Variants in DOCK1 observed in about 807,000 individuals in gnomAD.
The protein encoded by DOCK1 is dedicator of cytokinesis protein 1.
Under a neutral mutation model 262.7 loss-of-function variants are expected in DOCK1, and 138 were observed. The ratio of observed to expected loss-of-function variants is 0.53; its 90% CI spans 0.46 to 0.61. DOCK1 has a LOEUF of 0.61. DOCK1 is among the 20% of genes least tolerant of loss of function. DOCK1 has a pLI of 0.00. For missense variants in DOCK1, 1,908 were observed against 2,370.7 expected, an observed-to-expected ratio of 0.80 and a Z score of 4.05; for synonymous variants, 866 against 867.4, an observed-to-expected ratio of 1.00 and a Z score of 0.03.
intron 27 of DOCK1, among the ~76,000 whole-genome samples, chr10:127,156,759 GGTTTCTCTAT>G (rs1239957378): frequency 6.6e-6 from 1 of 151,566 alleles, no homozygotes; most frequent in East Asian, 1.9e-4. Flanking sequence ...GTAGAGACGG[GGTTTCTCTAT>G]GTTGGTCAGG....
rs572216078 is a variant in DOCK1 at position 126,912,948 on chromosome 10, T to C, written c.46+7385T>C. ...AGTATGATTTTGATAACATAAGACT[T>C]TTCATCTACAGTTTCCCTCTGTCTT... On this transcript the variant is annotated intron_variant, in intron 1 of 51. Transcript: ENST00000623213. Among the ~76,000 whole-genome samples, 127 of 152,096 alleles carry C rather than the reference T, an allele frequency of 8.3e-4. 1 individual carries two copies. The Middle Eastern group carries it at 0.014, about 16-fold the overall frequency.
chr10:127,366,633 C>G (rs1436045393), intron 33 of DOCK1, among the ~76,000 whole-genome samples: 1 of 151,932 alleles, frequency 6.6e-6, no homozygotes, highest in East Asian at 1.9e-4. Flanking sequence ...TCCCTCTCAG[C>G]TGGTCTTCCT....
At position 127,257,524 on chromosome 10, in the gene DOCK1, A is replaced by G. The variant is rs570834394; in HGVS notation, c.3044+95A>G. 93 of 1,127,144 alleles carry G rather than the reference A, an allele frequency of 8.3e-5. No homozygotes were observed. The Admixed American group carries it at 1.6e-3, about 20-fold the overall frequency. 69.8% of individuals were successfully genotyped at this position (1,127,144 alleles called of 1,614,324 possible). A position where few individuals can be genotyped will look rare whatever the true frequency, so the allele number is the denominator to read the frequency against. On this transcript the variant is annotated intron_variant, in intron 29 of 51. Coordinates refer to ENST00000623213, the MANE Select transcript of DOCK1 (RefSeq NM_001290223.2). The stretch of plus-strand genomic sequence containing the variant: ...TTGCCTGGAGACCAAGCTGGCTTCA[A>G]TAAAATGCTCTGCAAACGCTGTTCC...
chr10:127,109,778 T>A (rs2048754378), intron 24 of DOCK1, among the ~76,000 whole-genome samples: 1 of 152,198 alleles, frequency 6.6e-6, no homozygotes, highest in Non-Finnish European at 1.5e-5. Flanking sequence ...ATGGACTTCG[T>A]GTTTTTTTTA....
chr10:127,362,006 G>T, intron 32 of DOCK1, 58 bp from the exon 33 acceptor site: 1 of 1,502,212 alleles, frequency 6.7e-7, no homozygotes, highest in East Asian at 2.4e-5. Flanking sequence ...ATCCATTTAA[G>T]CCCATTTTAG....
At chr10:127,034,611 A>C (rs984051673) in intron 18 of DOCK1, among the ~76,000 whole-genome samples, 2 of 152,122 alleles carry the variant, frequency 1.3e-5, no homozygotes, top group African/African-American at 4.8e-5. Context: ...GACAGATGAC[A>C]GCATCCAGAG....
intron 51 of DOCK1, among the ~76,000 whole-genome samples, chr10:127,449,672 TTCC>T (rs1445031268): frequency 6.6e-6 from 1 of 152,168 alleles, no homozygotes; most frequent in African/African-American, 2.4e-5. Context: ...GCGGTTGCAT[TTCC>T]TGGGGTGCCT....
chr10:127,263,567 T>G (rs1410969266), intron 29 of DOCK1, among the ~76,000 whole-genome samples: 1 of 152,180 alleles, frequency 6.6e-6, no homozygotes, highest in Non-Finnish European at 1.5e-5. Context: ...AGAAGTGTGC[T>G]TTTGTGCTAG....
intron 38 of DOCK1, among the ~76,000 whole-genome samples, chr10:127,391,669 C>T (rs2066487596): frequency 2.0e-5 from 3 of 152,122 alleles, no homozygotes; most frequent in African/African-American, 7.2e-5. Context: ...CATCTTGACC[C>T]ACTTCTACCT....
intron 27 of DOCK1, 47 bp from the exon 28 acceptor site, chr10:127,247,961 G>T: frequency 6.3e-7 from 1 of 1,581,380 alleles, no homozygotes; most frequent in Non-Finnish European, 8.7e-7. Flanking sequence ...CTTTTCCCAT[G>T]AGTGTTGCTC....
chr10:127,257,649 C>A (rs139668742), intron 29 of DOCK1: 5 of 392,294 alleles, frequency 1.3e-5, no homozygotes, highest in Non-Finnish European at 2.4e-5. Flanking sequence ...ACTTGAGCTC[C>A]GTCCCCTGGA....
chr10:127,026,473 G>A (rs1344198361), intron 16 of DOCK1, 49 bp downstream of exon 16: 1 of 1,533,794 alleles, frequency 6.5e-7, no homozygotes, highest in Non-Finnish European at 8.8e-7. Context: ...AGGGAGAACT[G>A]GGGGAAAGCG....
At chr10:127,393,519 G>A (rs1294530010) in intron 38 of DOCK1, among the ~76,000 whole-genome samples, 1 of 152,146 alleles carries the variant, frequency 6.6e-6, no homozygotes, top group East Asian at 1.9e-4. Flanking sequence ...AGGCTGTTAA[G>A]GGAGCAGGGG....
chr10:126,928,312 CGGCTGGTGTCCAT>C (rs2033922037), intron 1 of DOCK1, among the ~76,000 whole-genome samples: 2 of 152,210 alleles, frequency 1.3e-5, no homozygotes, highest in African/African-American at 4.8e-5. Flanking sequence ...GCCGTGTCCA[CGGCTGGTGTCCAT>C]GCGTCCCAGG....
At chr10:127,280,600 G>C (rs1266768478) in intron 29 of DOCK1, among the ~76,000 whole-genome samples, 1 of 152,126 alleles carries the variant, frequency 6.6e-6, no homozygotes, top group South Asian at 2.1e-4. Flanking sequence ...CAAGCACTTA[G>C]CCTCTTGCCG....
chr10:127,039,704 C>T (rs942042388), intron 19 of DOCK1, among the ~76,000 whole-genome samples: 35 of 152,146 alleles, frequency 2.3e-4, no homozygotes, highest in African/African-American at 6.5e-4. Flanking sequence ...CCTGCCTGCA[C>T]GGGGCTCCTT....
At chr10:127,142,764 G>A (rs61734102) in intron 27 of DOCK1, among the ~76,000 whole-genome samples, 531 of 152,288 alleles carry the variant, frequency 3.5e-3, no homozygotes, top group Middle Eastern at 6.8e-3. Flanking sequence ...TGTGCCCTGG[G>A]GCTGTGTCGC....
In DOCK1 at chr10:127,137,776, G is replaced by A; in HGVS notation, c.2847+10012G>A. 8 of 1,473,380 alleles carry A rather than the reference G, an allele frequency of 5.4e-6. No individual in the cohort carries two copies. In the South Asian group the frequency reaches 1.0e-4, roughly 19 times the overall value. 91.3% of individuals were successfully genotyped at this position (1,473,380 alleles called of 1,614,324 possible). A position where few individuals can be genotyped will look rare whatever the true frequency, so the allele number is the denominator to read the frequency against. ...CCTCGATCCTATTCATTTTGGAAAAGTATTGACTTAAACTCCAGTGGGTTC... is the reference window on the plus strand; with the variant it reads ...CCTCGATCCTATTCATTTTGGAAAAATATTGACTTAAACTCCAGTGGGTTC... On this transcript the variant is annotated intron_variant, in intron 27 of 51. Coordinates refer to ENST00000623213, the MANE Select transcript of DOCK1 (RefSeq NM_001290223.2).
chr10:127,248,749 C>CT (rs1421417197), intron 28 of DOCK1, among the ~76,000 whole-genome samples: 1 of 152,182 alleles, frequency 6.6e-6, no homozygotes, highest in African/African-American at 2.4e-5. Context: ...GACTTGAACT[C>CT]TAAGATTCCA....
Sources: gnomAD v4.1 joint callset for allele counts (sites outside exome capture counted in the v4.1 genomes callset) on GRCh38, gnomAD v4.1.1 for gene constraint, MANE v1.5 for transcripts, NCBI Gene and HGNC (gene_info 2026-07-23, HGNC 2026-07-21) for gene names.